CTNNA3: variants seen among roughly 807,000 people sequenced by gnomAD.
CTNNA3 encodes the protein catenin alpha-3.
CTNNA3 carries 76 observed loss-of-function variants against 95.7 expected under a neutral mutation model. The observed-to-expected ratio is 0.79, with a 90% CI of 0.66 to 0.96. The LOEUF (loss-of-function observed/expected upper bound fraction) is 0.96, where lower values mean the gene tolerates loss of function less well. CTNNA3 is among the 40% of genes least tolerant of loss of function. The probability of loss-of-function intolerance (pLI) is 0.00; values close to 1 mark genes in which losing one functional copy is unlikely to be tolerated. For synonymous variants in CTNNA3, 431 were observed against 374.4 expected (o/e 1.15, Z -1.74); for missense variants, 1,191 against 1,089.8 (o/e 1.09, Z -1.31).
At chr10:67,017,719 A>T (rs1852741145) in intron 7 of CTNNA3, among the ~76,000 whole-genome samples, 1 of 145,878 alleles carries the variant, frequency 6.9e-6, no homozygotes, top group Non-Finnish European at 1.5e-5. Flanking sequence ...ATGTCACAAA[A>T]ATCATCTGTG....
intron 5 of CTNNA3, among the ~76,000 whole-genome samples, chr10:67,503,896 G>A (rs545645728): frequency 7.2e-5 from 11 of 152,164 alleles, no homozygotes; most frequent in Admixed American, 3.9e-4. Flanking sequence ...GGTGGCTCAT[G>A]CCTGTAATCC....
In CTNNA3 at chr10:66,452,481, G is replaced by A. The variant is rs1055750612; in HGVS notation, c.1531+68136C>T. ...GCTGCCCTTGCACATTCCTGGGTGT[G>A]GGCCTAGCTAACTACGGGAGAAACT... On this transcript the variant is annotated intron_variant, in intron 11 of 17. Transcript: ENST00000433211. Among the ~76,000 whole-genome samples, 8 of 152,140 alleles carry A rather than the reference G, an allele frequency of 5.3e-5. No homozygotes were observed. The South Asian group carries it at 1.2e-3, about 24-fold the overall frequency.
At chr10:67,509,002 G>A (rs538747840) in intron 5 of CTNNA3, among the ~76,000 whole-genome samples, 69 of 151,566 alleles carry the variant, frequency 4.6e-4, no homozygotes, top group East Asian at 1.7e-3. Flanking sequence ...TCAGCCTCCC[G>A]TATAGCAGGG....
intron 11 of CTNNA3, among the ~76,000 whole-genome samples, chr10:66,458,825 C>T (rs903017711): frequency 3.3e-5 from 5 of 152,156 alleles, no homozygotes; most frequent in South Asian, 2.1e-4. Flanking sequence ...CCATTCATCC[C>T]GTGAAGAGCA....
intron 9 of CTNNA3, among the ~76,000 whole-genome samples, chr10:66,685,210 T>TATATATATACGTAA (rs1847218818): frequency 2.9e-5 from 2 of 67,954 alleles, no homozygotes; most frequent in South Asian, 1.1e-3. Flanking sequence ...TATATACGTA[T>TATATATATACGTAA]ATATATGTGT....
rs139835617 is a variant in CTNNA3 at position 67,671,395 on chromosome 10, C to T, written c.-5-23877G>A. ...TTATTATACTTTAAGTTTTAGGGTA[C>T]ATGTGCACAATGTGCAGGTTTGTTA... On this transcript the variant is annotated intron_variant, in intron 1 of 17. Coordinates refer to ENST00000433211, the MANE Select transcript of CTNNA3 (RefSeq NM_013266.4). 4.0e-4 allele frequency among the ~76,000 whole-genome samples: 61 copies of T among 152,072 alleles called. 1 individual carries two copies. In the East Asian group the frequency reaches 0.011, roughly 28 times the overall value.
chr10:67,193,676 C>G (rs10822998), intron 6 of CTNNA3, among the ~76,000 whole-genome samples: 55,600 of 151,912 alleles, frequency 0.37, 14,579 homozygotes, highest in African/African-American at 0.75. Flanking sequence ...TAATCTCACT[C>G]TTTTTATGGC....
intron 14 of CTNNA3, among the ~76,000 whole-genome samples, chr10:66,097,616 C>T (rs556621592): frequency 1.3e-5 from 2 of 152,080 alleles, no homozygotes; most frequent in African/African-American, 4.8e-5. Flanking sequence ...TTGACTTATA[C>T]ATTACAGTAG....
At chr10:66,387,035 G>T (rs527867633) in intron 11 of CTNNA3, among the ~76,000 whole-genome samples, 1 of 152,130 alleles carries the variant, frequency 6.6e-6, no homozygotes, top group African/African-American at 2.4e-5. Flanking sequence ...CACAGGCATA[G>T]GCAAGGACTT....
rs563602307 is a variant in CTNNA3 at position 67,072,151 on chromosome 10, G to C, written c.1047+108166C>G. ...GTATTTTTAGTAGAGATGGCTTTTT[G>C]CTATGTTGGTCAGGCTGGTCTCGAA... On this transcript the variant is annotated intron_variant, in intron 7 of 17. Transcript: ENST00000433211. Among the ~76,000 whole-genome samples the C allele has an allele frequency of 4.2e-4, 64 of 152,040 alleles. 1 individual carries two copies. The highest frequency in any genetic ancestry group is 1.5e-3 in the African/African-American group (64 of 41,500).
chr10:67,104,672 C>G (rs1362833345), intron 7 of CTNNA3, among the ~76,000 whole-genome samples: 1 of 151,840 alleles, frequency 6.6e-6, no homozygotes, highest in African/African-American at 2.4e-5. Flanking sequence ...TGCAAGTAAT[C>G]CCATTGGTTT....
At chr10:66,445,470 T>A (rs983634211) in intron 11 of CTNNA3, among the ~76,000 whole-genome samples, 12 of 151,976 alleles carry the variant, frequency 7.9e-5, no homozygotes, top group Non-Finnish European at 1.8e-4. Flanking sequence ...TATAACAAAC[T>A]GTCTCTCAAA....
intron 13 of CTNNA3, among the ~76,000 whole-genome samples, chr10:66,109,727 T>C (rs965576829): frequency 6.6e-6 from 1 of 152,184 alleles, no homozygotes; most frequent in African/African-American, 2.4e-5. Flanking sequence ...GAAGACATTT[T>C]AGTCTTAACC....
chr10:66,192,950 T>C (rs1475124365), intron 13 of CTNNA3, among the ~76,000 whole-genome samples: 1 of 152,184 alleles, frequency 6.6e-6, no homozygotes, highest in Admixed American at 6.6e-5. Context: ...TGTCACCTAT[T>C]TTATTCCCAG....
chr10:66,825,361 C>T (rs1216446498), intron 7 of CTNNA3, among the ~76,000 whole-genome samples: 7 of 151,096 alleles, frequency 4.6e-5, no homozygotes, highest in African/African-American at 1.7e-4. Context: ...CTGCAACCTC[C>T]TCCTTCCGGG....
intron 7 of CTNNA3, among the ~76,000 whole-genome samples, chr10:67,093,213 ATTAGAT>A (rs1857760648): frequency 6.6e-6 from 1 of 151,976 alleles, no homozygotes; most frequent in Non-Finnish European, 1.5e-5. Context: ...CAAATGCCTT[ATTAGAT>A]TTAAATTTCC....
At chr10:67,123,987 A>G (rs1859590830) in intron 7 of CTNNA3, among the ~76,000 whole-genome samples, 1 of 152,150 alleles carries the variant, frequency 6.6e-6, no homozygotes. Flanking sequence ...GTGTGGACAT[A>G]AAGTGTAAAC....
chr10:67,012,311 G>A (rs1399411503), intron 7 of CTNNA3: 1 of 152,112 alleles, frequency 6.6e-6, no homozygotes, highest in East Asian at 1.9e-4. Context: ...AAATAGAAAT[G>A]CCACCACCTC....
At chr10:67,145,724 C>T (rs1860809795) in intron 7 of CTNNA3, among the ~76,000 whole-genome samples, 6 of 151,824 alleles carry the variant, frequency 4.0e-5, no homozygotes, top group Admixed American at 2.0e-4. Context: ...CCACTGCGCC[C>T]GGCCTGATAT....
Sources: gnomAD v4.1 joint callset for allele counts (sites outside exome capture counted in the v4.1 genomes callset) on GRCh38, gnomAD v4.1.1 for gene constraint, MANE v1.5 for transcripts, NCBI Gene and HGNC (gene_info 2026-07-23, HGNC 2026-07-21) for gene names.